Variants in ELMO1 observed in about 807,000 individuals in gnomAD.
ELMO1 encodes the protein engulfment and cell motility protein 1.
Under a neutral mutation model 98.9 loss-of-function variants are expected in ELMO1, and 26 were observed. The ratio of observed to expected loss-of-function variants is 0.26; its 90% CI spans 0.19 to 0.36. ELMO1 has a LOEUF of 0.36. ELMO1 is among the 10% of genes least tolerant of loss of function. The pLI, the probability that ELMO1 is intolerant of heterozygous loss-of-function variation, is 1.00. For synonymous variants in ELMO1, 346 were observed against 346.0 expected, an observed-to-expected ratio of 1.00 and a Z score of 0.00; for missense variants, 627 against 935.2, an observed-to-expected ratio of 0.67 and a Z score of 4.30.
chr7:37,037,073 G>T (rs1795214509), intron 15 of ELMO1, among the ~76,000 whole-genome samples: 1 of 152,152 alleles, frequency 6.6e-6, no homozygotes, highest in South Asian at 2.1e-4. Context: ...CAGAATAAAA[G>T]ATATTCTTCT....
intron 13 of ELMO1, among the ~76,000 whole-genome samples, chr7:37,166,741 G>T (rs1270003853): frequency 6.6e-6 from 1 of 152,098 alleles, no homozygotes; most frequent in Non-Finnish European, 1.5e-5. Flanking sequence ...ATTTGATGAG[G>T]AGAGCTTTAC....
intron 16 of ELMO1, among the ~76,000 whole-genome samples, chr7:36,995,753 T>C (rs1288496969): frequency 1.3e-5 from 2 of 152,214 alleles, no homozygotes; most frequent in South Asian, 2.1e-4. Context: ...CACTCGTAAG[T>C]AACAATGAAA....
intron 20 of ELMO1, among the ~76,000 whole-genome samples, chr7:36,866,206 T>G (rs1204078627): frequency 1.3e-5 from 2 of 152,206 alleles, no homozygotes; most frequent in Non-Finnish European, 2.9e-5. Context: ...TTATAAATTA[T>G]AGAGTTTGAA....
At chr7:36,981,810 A>G (rs191506327) in intron 16 of ELMO1, among the ~76,000 whole-genome samples, 44 of 152,346 alleles carry the variant, frequency 2.9e-4, no homozygotes, top group African/African-American at 2.2e-4. Context: ...TCTTGAGTTC[A>G]CCATGAGCAA....
At chr7:37,158,886 A>G (rs575383142) in intron 13 of ELMO1, among the ~76,000 whole-genome samples, 30 of 152,334 alleles carry the variant, frequency 2.0e-4, no homozygotes, top group Non-Finnish European at 3.7e-4. Context: ...TCGCAATAGC[A>G]AGACTTGGAA....
intron 13 of ELMO1, among the ~76,000 whole-genome samples, chr7:37,175,473 G>A (rs1259417051): frequency 6.6e-6 from 1 of 152,198 alleles, no homozygotes; most frequent in Admixed American, 6.5e-5. Context: ...CCACCATGGA[G>A]TTACACCCAG....
At chr7:37,118,394 G>A (rs764162807) in intron 14 of ELMO1, among the ~76,000 whole-genome samples, 3 of 152,192 alleles carry the variant, frequency 2.0e-5, no homozygotes, top group Non-Finnish European at 4.4e-5. Flanking sequence ...CTCACAACAG[G>A]AGAAACTGGG....
intron 15 of ELMO1, among the ~76,000 whole-genome samples, chr7:37,080,600 A>ATTT (rs764259726): frequency 0.019 from 2,027 of 105,154 alleles, 47 homozygotes; most frequent in African/African-American, 0.022. Context: ...ACCACGCCTA[A>ATTT]TTTTTTTTTT....
intron 4 of ELMO1, among the ~76,000 whole-genome samples, chr7:37,303,526 C>T (rs1403795026): frequency 6.6e-6 from 1 of 152,062 alleles, no homozygotes; most frequent in East Asian, 1.9e-4. Context: ...AAGTTTCTGG[C>T]CTTGAAACAA....
chr7:37,448,157 G>C (rs532599960), intron 1 of ELMO1, among the ~76,000 whole-genome samples: 9 of 151,504 alleles, frequency 5.9e-5, no homozygotes, highest in African/African-American at 1.7e-4. Flanking sequence ...CTCGCCGGGG[G>C]ATTCCCTCCC....
chr7:37,247,082 C>T (rs1480724464), intron 6 of ELMO1, among the ~76,000 whole-genome samples: 1 of 152,030 alleles, frequency 6.6e-6, no homozygotes, highest in African/African-American at 2.4e-5. Context: ...ATTATTTTAA[C>T]ACATATTTGT....
At chr7:37,384,473 C>A (rs1019479952) in intron 1 of ELMO1, among the ~76,000 whole-genome samples, 1 of 152,110 alleles carries the variant, frequency 6.6e-6, no homozygotes, top group East Asian at 1.9e-4. Flanking sequence ...GTAATCCCAG[C>A]ACTTTGGGAG....
chr7:37,378,510 C>T (rs978220292), intron 1 of ELMO1, among the ~76,000 whole-genome samples: 2 of 151,846 alleles, frequency 1.3e-5, no homozygotes, highest in Non-Finnish European at 1.5e-5. Flanking sequence ...CTGATAAACA[C>T]GAATCTACAA....
At chr7:37,291,850 G>A (rs1310837642) in intron 4 of ELMO1, among the ~76,000 whole-genome samples, 2 of 151,164 alleles carry the variant, frequency 1.3e-5, no homozygotes, top group Admixed American at 1.3e-4. Context: ...GGGAAGTGGA[G>A]GTTGCAGTGA....
At chr7:36,949,001 G>T (rs1050795859) in intron 16 of ELMO1, among the ~76,000 whole-genome samples, 2 of 152,114 alleles carry the variant, frequency 1.3e-5, no homozygotes, top group Non-Finnish European at 2.9e-5. Flanking sequence ...GATTATAGGT[G>T]CCTGCCACTA....
At chr7:37,038,093 A>G (rs746715781) in intron 15 of ELMO1, among the ~76,000 whole-genome samples, 1 of 152,150 alleles carries the variant, frequency 6.6e-6, no homozygotes, top group Non-Finnish European at 1.5e-5. Context: ...GTGCTTTTCA[A>G]TCAGGAAACC....
At chr7:36,894,759 G>C in intron 17 of ELMO1, 95 bp downstream of exon 17, 2 of 1,504,612 alleles carry the variant, frequency 1.3e-6, no homozygotes, top group Admixed American at 3.5e-5. Flanking sequence ...TCCCTGAGGA[G>C]CTCACAACAC....
At chr7:37,001,587 A>T (rs994154382) in intron 16 of ELMO1, among the ~76,000 whole-genome samples, 2 of 152,242 alleles carry the variant, frequency 1.3e-5, no homozygotes, top group African/African-American at 4.8e-5. Flanking sequence ...GGGAGTAGAC[A>T]TACAAAATTT....
At chr7:36,935,377 C>T (rs574702667) in intron 16 of ELMO1, among the ~76,000 whole-genome samples, 14 of 152,144 alleles carry the variant, frequency 9.2e-5, no homozygotes, top group East Asian at 5.8e-4. Context: ...ATCAGCCACA[C>T]GTAAAGGACT....
Sources: allele counts gnomAD v4.1 joint callset (sites outside exome capture counted in the v4.1 genomes callset), GRCh38; gene constraint gnomAD v4.1.1; transcripts MANE v1.5; gene names NCBI Gene and HGNC (gene_info 2026-07-23, HGNC 2026-07-21).